Variants in NOP9 observed in about 807,000 individuals in gnomAD.
NOP9 encodes the protein NOP9 nucleolar protein.
A neutral mutation model predicts 63.0 loss-of-function variants in NOP9; 50 were observed. That is an observed-to-expected ratio of 0.79 (90% confidence interval 0.63 to 1.00). The LOEUF (loss-of-function observed/expected upper bound fraction) is 1.00. NOP9 is among the 50% of genes least tolerant of loss of function. The pLI is 0.00. For synonymous variants in NOP9, 343 were observed against 332.8 expected, an observed-to-expected ratio of 1.03 and a Z score of -0.33; for missense variants, 758 against 803.0, an observed-to-expected ratio of 0.94 and a Z score of 0.68.
upstream of NOP9, chr14:24,299,794 A>C: frequency 1.1e-6 from 1 of 925,168 alleles, no homozygotes; most frequent in South Asian, 1.9e-5. Flanking sequence ...TGACACACCC[A>C]CCCCGCCCGG....
At chr14:24,284,127 G>A in the NOP9 span, among the ~76,000 whole-genome samples, 1 of 152,212 alleles carries the variant, frequency 6.6e-6, no homozygotes, top group African/African-American at 2.4e-5. Context: ...GACAGAGAAA[G>A]GCAGGGATAA....
At chr14:24,291,540 T>G in the NOP9 span, 1 of 1,614,074 alleles carries the variant, frequency 6.2e-7, no homozygotes. Flanking sequence ...TATTACCAGC[T>G]GCCCCCAAAC....
chr14:24,300,331 G>T, intron 1 of NOP9, 77 bp from the exon 2 acceptor site: 1 of 1,556,300 alleles, frequency 6.4e-7, no homozygotes, highest in South Asian at 1.2e-5. Context: ...TCCGACCCAC[G>T]ACCCTTGGTT....
At position 24,304,137 on chromosome 14, in the gene NOP9, C is replaced by T. The variant is rs374488533; in HGVS notation, c.1507C>T (p.Leu503Phe). The change falls in exon 8 of 10, where the codon CTT becomes TTT. Residue 503 changes from leucine (L) to phenylalanine (F), a missense_variant. By Grantham distance (22) the Leu-to-Phe change is conservative. Transcript: ENST00000267425. ...LLHFSTPGLV[L>F]RSLGALTGPQ... ...GCACTTCTCCACTCCTGGTCTTGTA[C>T]TTCGAAGTCTGGGTGCCTTGACGGG... is the stretch of plus-strand genomic sequence containing the variant. 1.9e-5 allele frequency: 31 copies of T among 1,614,142 alleles called. No homozygotes were observed. The highest frequency in any genetic ancestry group is 2.5e-5 in the Non-Finnish European group (29 of 1,180,038).
At position 24,305,539 on chromosome 14, in the gene NOP9, G is replaced by A. The variant is rs2041471478; in HGVS notation, c.*444G>A. 2.7e-6 allele frequency: 4 copies of A among 1,494,972 alleles called. No individual in the cohort carries two copies. The highest frequency in any genetic ancestry group is 2.5e-4 in the Middle Eastern group (1 of 4,068). The allele number at this position is 1,494,972 out of a possible 1,614,324, so 92.6% of individuals were successfully genotyped here. ...GTGGGGAAATTGGGTGGGTTATCTA[G>A]CCTGTACTGTCTGCAGGTCCTGAAA... is the stretch of plus-strand genomic sequence containing the variant. On this transcript the variant is annotated 3_prime_UTR_variant, in exon 10 of 10. Coordinates refer to ENST00000267425, the MANE Select transcript of NOP9 (RefSeq NM_174913.3).
Position 24,307,944 on chromosome 14 carries a change from A to C in NOP9, c.*2849A>C. 1 of 1,244,468 alleles carries C rather than the reference A, an allele frequency of 8.0e-7. No individual in the cohort carries two copies. The highest frequency in any genetic ancestry group is 1.2e-6 in the Non-Finnish European group (1 of 867,524). The allele number at this position is 1,244,468 out of a possible 1,614,324, so 77.1% of individuals were successfully genotyped here. On this transcript the variant is annotated 3_prime_UTR_variant, in exon 10 of 10. Coordinates refer to ENST00000267425, the MANE Select transcript of NOP9 (RefSeq NM_174913.3). Reference sequence around the variant, plus strand: ...GGCTTTAGTGGTGTTTTCTGTTACAAACCTGGGATCTCAGCCCAGGACAAG... The same window carrying C: ...GGCTTTAGTGGTGTTTTCTGTTACACACCTGGGATCTCAGCCCAGGACAAG...
At chr14:24,288,444 G>T in the NOP9 span, among the ~76,000 whole-genome samples, 1 of 152,184 alleles carries the variant, frequency 6.6e-6, no homozygotes, top group South Asian at 2.1e-4. Flanking sequence ...CTGCCTTCCG[G>T]GTTCAAGCGA....
At chr14:24,290,061 G>A in the NOP9 span, among the ~76,000 whole-genome samples, 4 of 152,260 alleles carry the variant, frequency 2.6e-5, no homozygotes, top group Non-Finnish European at 5.9e-5. Context: ...CTCCTCTTAG[G>A]AACACACCCC....
rs2041518404 is a variant in NOP9, at chr14:24,306,632, T to TGG, written c.*1538_*1539insGG. The TGG allele has an allele frequency of 1.4e-6, 2 of 1,428,488 alleles. No homozygotes were observed. Among genetic ancestry groups the TGG allele is most frequent in the Admixed American group, 3.7e-5 (2 of 54,660 alleles). 88.5% of individuals were successfully genotyped at this position (1,428,488 alleles called of 1,614,324 possible). On this transcript the variant is annotated 3_prime_UTR_variant, in exon 10 of 10. Transcript: ENST00000267425. ...CTAGACATTGGTCGATGTCCCACTT[T>TGG]GACTTTCCGGCACTTTGATACCTCC...
rs777731552 is a variant in NOP9 at position 24,299,914 on chromosome 14, G to C, written c.-41G>C. ...TGGCGACGTCGAAGGTCCGTCCGCA[G>C]TTAAGGAAGCTTTTGCAGCCGGACA... On this transcript the variant is annotated 5_prime_UTR_variant, in exon 1 of 10. Coordinates refer to ENST00000267425, the MANE Select transcript of NOP9 (RefSeq NM_174913.3). 2 of 1,510,998 alleles carry C rather than the reference G, an allele frequency of 1.3e-6. No individual in the cohort carries two copies. Among genetic ancestry groups the C allele is most frequent in the South Asian group, 2.6e-5 (2 of 75,820 alleles). The allele number at this position is 1,510,998 out of a possible 1,614,324, so 93.6% of individuals were successfully genotyped here.
Position 24,304,582 on chromosome 14 carries a change from A to G in NOP9, c.1737A>G (p.Glu579=). The change falls in exon 9 of 10, where the codon GAA becomes GAG. Residue 579 remains glutamate, a synonymous_variant. Coordinates refer to ENST00000267425, the MANE Select transcript of NOP9 (RefSeq NM_174913.3). Reference sequence around the variant, plus strand: ...GAGCAGCCTTGAGGGCCCGGAAGGAAATTGCTGCTGAGCTTGGTGAGTACC... The same window carrying G: ...GAGCAGCCTTGAGGGCCCGGAAGGAGATTGCTGCTGAGCTTGGTGAGTACC... ...WSGAALRARK[E]IAAELGEQNQ... is the part of the protein sequence containing the mutation. 6.2e-7 allele frequency: 1 copy of G among 1,611,238 alleles called. No individual in the cohort carries two copies.
rs748373659 is a variant in NOP9, at chr14:24,305,902, A to C, written c.*807A>C. ...TGCAAGAGGACGAATTATGGGGACT[A>C]TCCAACTGTAGGGGATGGGGCAGTA... is the stretch of plus-strand genomic sequence containing the variant. On this transcript the variant is annotated 3_prime_UTR_variant, in exon 10 of 10. Transcript: ENST00000267425. 5.0e-6 allele frequency: 8 copies of C among 1,594,570 alleles called. No individual in the cohort carries two copies. The highest frequency in any genetic ancestry group is 6.8e-6 in the Non-Finnish European group (8 of 1,168,222).
At position 24,305,064 on chromosome 14, in the gene NOP9, G is replaced by A; in HGVS notation, c.1880G>A (p.Arg627Lys). 6.3e-7 allele frequency: 1 copy of A among 1,580,312 alleles called. No homozygotes were observed. Among genetic ancestry groups the A allele is most frequent in the Non-Finnish European group, 8.6e-7 (1 of 1,163,102 alleles). ...EQQQGAVAKR[R>K]RALNSILED ...CAGCAGGGTGCGGTGGCCAAGCGGA[G>A]GCGGGCATTGAACTCCATACTTGAA... The change falls in exon 10 of 10, where the codon AGG becomes AAG. Residue 627 changes from arginine (R) to lysine (K), a missense_variant. Physicochemically the swap from Arg to Lys is conservative, Grantham distance 26. Transcript: ENST00000267425.
In NOP9 at chr14:24,299,912, C is replaced by T. The variant is rs2041335194; in HGVS notation, c.-43C>T. The T allele has an allele frequency of 6.6e-7, 1 of 1,507,902 alleles. No homozygotes were observed. Among genetic ancestry groups the T allele is most frequent in the Admixed American group, 2.3e-5 (1 of 43,982 alleles). The allele number at this position is 1,507,902 out of a possible 1,614,324, so 93.4% of individuals were successfully genotyped here. A position where few individuals can be genotyped will look rare whatever the true frequency, so the allele number is the denominator to read the frequency against. On this transcript the variant is annotated 5_prime_UTR_variant, in exon 1 of 10. Coordinates refer to ENST00000267425, the MANE Select transcript of NOP9 (RefSeq NM_174913.3). ...CTTGGCGACGTCGAAGGTCCGTCCG[C>T]AGTTAAGGAAGCTTTTGCAGCCGGA...
chr14:24,305,825 A>C lies in NOP9; in HGVS notation c.*730A>C, dbSNP rs1275907488. The C allele has an allele frequency of 6.2e-7, 1 of 1,600,142 alleles. No homozygotes were observed. Among genetic ancestry groups the C allele is most frequent in the Non-Finnish European group, 8.5e-7 (1 of 1,172,040 alleles). ...TGGAAAACTTGGGAGGAAGCCATCA[A>C]GCTGGGAGATGAGGACTTTCCACAA... On this transcript the variant is annotated 3_prime_UTR_variant, in exon 10 of 10. Coordinates refer to ENST00000267425, the MANE Select transcript of NOP9 (RefSeq NM_174913.3).
At chr14:24,277,936 T>C in the NOP9 span, among the ~76,000 whole-genome samples, 1 of 152,032 alleles carries the variant, frequency 6.6e-6, no homozygotes, top group South Asian at 2.1e-4. Context: ...CCAGCACAAG[T>C]TGGGGTCAAG....
the NOP9 span, among the ~76,000 whole-genome samples, chr14:24,275,274 C>T: frequency 6.6e-6 from 1 of 152,178 alleles, no homozygotes; most frequent in African/African-American, 2.4e-5. Flanking sequence ...TAGAAAGAAA[C>T]AAACAGTAAT....
Position 24,306,624 on chromosome 14 carries a change from T to G in NOP9, c.*1529T>G. On this transcript the variant is annotated 3_prime_UTR_variant, in exon 10 of 10. Transcript: ENST00000267425. Reference sequence around the variant, plus strand: ...AGTTGGCTCTAGACATTGGTCGATGTCCCACTTTGACTTTCCGGCACTTTG... The same window carrying G: ...AGTTGGCTCTAGACATTGGTCGATGGCCCACTTTGACTTTCCGGCACTTTG... 6.6e-7 allele frequency: 1 copy of G among 1,505,366 alleles called. No homozygotes were observed. Among genetic ancestry groups the G allele is most frequent in the Non-Finnish European group, 9.1e-7 (1 of 1,093,540 alleles). The allele number at this position is 1,505,366 out of a possible 1,614,324, so 93.3% of individuals were successfully genotyped here.
intron 6 of NOP9, 124 bp from the exon 7 acceptor site, chr14:24,303,608 G>A (rs2041417980): frequency 4.1e-6 from 4 of 966,972 alleles, no homozygotes; most frequent in South Asian, 2.9e-5. Flanking sequence ...CATGACATCT[G>A]CTTTCATGGA....
Sources: allele counts gnomAD v4.1 joint callset (sites outside exome capture counted in the v4.1 genomes callset), GRCh38; gene constraint gnomAD v4.1.1; transcripts MANE v1.5; gene names NCBI Gene and HGNC (gene_info 2026-07-23, HGNC 2026-07-21).